Variants in TRIP12 observed in about 807,000 individuals in gnomAD.
The protein encoded by TRIP12 is E3 ubiquitin-protein ligase TRIP12.
Under a neutral mutation model 244.2 loss-of-function variants are expected in TRIP12, and 25 were observed. The observed-to-expected ratio is 0.10, with a 90% CI of 0.07 to 0.14. The LOEUF is 0.14. TRIP12 is among the 10% of genes least tolerant of loss of function. TRIP12 has a pLI of 1.00. For missense variants in TRIP12, 1,677 were observed against 2,486.4 expected (o/e 0.67, Z 6.92); for synonymous variants, 905 against 873.1 (o/e 1.04, Z -0.64).
intron 6 of TRIP12, among the ~76,000 whole-genome samples, chr2:229,831,872 TTG>T (rs1390548336): frequency 3.1e-5 from 4 of 128,952 alleles, no homozygotes; most frequent in East Asian, 2.1e-4. Context: ...AAGGTTTTTT[TTG>T]TTTGTTTTTT....
chr2:229,922,564 G>A (rs537072453), upstream of TRIP12: 26 of 1,613,960 alleles, frequency 1.6e-5, no homozygotes, highest in Admixed American at 5.0e-5. Context: ...GACAAGGCCC[G>A]CCGCCTAGCA....
chr2:229,857,601 C>T (rs887846350), intron 4 of TRIP12, among the ~76,000 whole-genome samples: 4 of 151,204 alleles, frequency 2.6e-5, no homozygotes, highest in Non-Finnish European at 5.9e-5. Context: ...ACTCACACCA[C>T]TACTCCATCC....
At chr2:229,797,872 G>T in intron 23 of TRIP12, 41 bp from the exon 24 acceptor site, 1 of 1,595,110 alleles carries the variant, frequency 6.3e-7, no homozygotes, top group Non-Finnish European at 8.6e-7. Context: ...CCCAGTGTAT[G>T]TAGAAAGGAT....
At position 229,792,142 on chromosome 2, in the gene TRIP12, T is replaced by C. The variant is rs1390302316; in HGVS notation, c.4215+11A>G. The C allele has an allele frequency of 3.7e-6, 6 of 1,613,984 alleles. No homozygotes were observed. The highest frequency in any genetic ancestry group is 1.1e-5 in the South Asian group (1 of 91,084). ...TAGTACATTATACATGGTGGGAATATAGTACCTTACCAGAGACTCATCTAT... is the reference window on the plus strand; with the variant it reads ...TAGTACATTATACATGGTGGGAATACAGTACCTTACCAGAGACTCATCTAT... On this transcript the variant is annotated intron_variant, in intron 28 of 41. Coordinates refer to ENST00000675903, the MANE Select transcript of TRIP12 (RefSeq NM_001348323.3).
intron 33 of TRIP12, among the ~76,000 whole-genome samples, chr2:229,787,148 T>C (rs1334709246): frequency 6.6e-6 from 1 of 152,228 alleles, no homozygotes. Flanking sequence ...TTCCAACTAT[T>C]ACATAAGGGA....
At chr2:229,878,017 G>A (rs2063953906) in intron 2 of TRIP12, among the ~76,000 whole-genome samples, 1 of 152,220 alleles carries the variant, frequency 6.6e-6, no homozygotes, top group Admixed American at 6.5e-5. Flanking sequence ...CTAAGTATAA[G>A]TGATAAGAGC....
intron 37 of TRIP12, among the ~76,000 whole-genome samples, chr2:229,775,959 C>CA (rs924901992): frequency 5.9e-5 from 9 of 151,718 alleles, no homozygotes; most frequent in African/African-American, 2.2e-4. Context: ...GAACAAATCT[C>CA]AAAAAAACAA....
At chr2:229,895,220 AAAT>A (rs1333845570) in intron 1 of TRIP12, among the ~76,000 whole-genome samples, 12 of 152,370 alleles carry the variant, frequency 7.9e-5, no homozygotes, top group South Asian at 4.1e-4. Context: ...ATGAAAAATA[AAAT>A]AATAAAGCTC....
chr2:229,844,129 G>C (rs2057086462), intron 4 of TRIP12, among the ~76,000 whole-genome samples: 1 of 152,160 alleles, frequency 6.6e-6, no homozygotes, highest in African/African-American at 2.4e-5. Flanking sequence ...GAGTGACAAT[G>C]ACCTTAGATA....
intron 2 of TRIP12, 50 bp downstream of exon 2, chr2:229,879,932 A>G (rs774133086): frequency 7.5e-6 from 12 of 1,600,668 alleles, no homozygotes; most frequent in Middle Eastern, 1.8e-4. Flanking sequence ...GCTTAAAAAT[A>G]TTTTTTCTTT....
intron 32 of TRIP12, 149 bp downstream of exon 32, chr2:229,788,649 G>T: frequency 9.2e-7 from 1 of 1,081,136 alleles, no homozygotes; most frequent in Non-Finnish European, 1.3e-6. Flanking sequence ...CTGTTTACAT[G>T]CTAAAGCCAC....
At chr2:229,877,612 T>C (rs2063854041) in intron 2 of TRIP12, among the ~76,000 whole-genome samples, 1 of 152,170 alleles carries the variant, frequency 6.6e-6, no homozygotes, top group Non-Finnish European at 1.5e-5. Context: ...ACACTGTGGA[T>C]TTTAGAAGCA....
intron 1 of TRIP12, among the ~76,000 whole-genome samples, chr2:229,904,793 G>A (rs951587994): frequency 6.6e-6 from 1 of 152,140 alleles, no homozygotes. Context: ...GGAACAGAAA[G>A]ACATTAGGTG....
intron 30 of TRIP12, among the ~76,000 whole-genome samples, chr2:229,790,349 A>T (rs147986671): frequency 4.9e-4 from 75 of 152,332 alleles, no homozygotes; most frequent in Non-Finnish European, 9.3e-4. Flanking sequence ...ATAAAAAATC[A>T]TACCACCATC....
At chr2:229,830,913 C>T (rs2053178542) in intron 6 of TRIP12, 74 bp from the exon 7 acceptor site, 1 of 1,441,320 alleles carries the variant, frequency 6.9e-7, no homozygotes. Flanking sequence ...CTTAGAAAAA[C>T]CAAAGTTTTG....
chr2:229,853,101 TC>T (rs754291527), intron 4 of TRIP12, among the ~76,000 whole-genome samples: 17 of 152,170 alleles, frequency 1.1e-4, no homozygotes, highest in Non-Finnish European at 2.2e-4. Context: ...ATGAAAGCTC[TC>T]CTACTGACCA....
chr2:229,892,357 G>A (rs753390571), intron 1 of TRIP12, among the ~76,000 whole-genome samples: 2 of 152,138 alleles, frequency 1.3e-5, no homozygotes, highest in African/African-American at 2.4e-5. Context: ...AAAAAAGTCT[G>A]CAAAAATACA....
At chr2:229,872,232 G>A (rs960317440) in intron 2 of TRIP12, among the ~76,000 whole-genome samples, 16 of 151,076 alleles carry the variant, frequency 1.1e-4, no homozygotes, top group Non-Finnish European at 2.1e-4. Flanking sequence ...AGCTTGAGAC[G>A]AGTCTGGGCA....
chr2:229,772,204 T>C (rs984975819), intron 38 of TRIP12, among the ~76,000 whole-genome samples: 1 of 152,222 alleles, frequency 6.6e-6, no homozygotes, highest in Non-Finnish European at 1.5e-5. Flanking sequence ...ATCACTGACT[T>C]TGGGTAGCCC....
Sources: gnomAD v4.1 joint callset for allele counts (sites outside exome capture counted in the v4.1 genomes callset) on GRCh38, gnomAD v4.1.1 for gene constraint, MANE v1.5 for transcripts, NCBI Gene and HGNC (gene_info 2026-07-23, HGNC 2026-07-21) for gene names.